CRYBG1: variants seen among roughly 807,000 people sequenced by gnomAD.
CRYBG1 encodes the protein beta/gamma crystallin domain-containing protein 1.
CRYBG1 carries 139 observed loss-of-function variants against 189.2 expected under a neutral mutation model. That is an observed-to-expected ratio of 0.73 (90% confidence interval 0.64 to 0.85). The LOEUF (loss-of-function observed/expected upper bound fraction) is 0.85, where lower values mean the gene tolerates loss of function less well. Ranked by LOEUF, CRYBG1 falls within the 40% of genes least tolerant of loss-of-function variation. The pLI is 0.00. For missense variants in CRYBG1, 2,611 were observed against 2,675.8 expected, an observed-to-expected ratio of 0.98 and a Z score of 0.53; for synonymous variants, 1,023 against 1,017.1, an observed-to-expected ratio of 1.01 and a Z score of -0.11.
intron 21 of CRYBG1, 134 bp from the exon 22 acceptor site, chr6:106,568,338 T>C: frequency 1.5e-6 from 1 of 670,970 alleles, no homozygotes; most frequent in Non-Finnish European, 2.5e-6. Flanking sequence ...CTCCCTGCCT[T>C]GCCTCCTTGA....
intron 4 of CRYBG1, 107 bp downstream of exon 4, chr6:106,521,560 C>A: frequency 1.6e-6 from 2 of 1,259,668 alleles, no homozygotes; most frequent in Non-Finnish European, 2.2e-6. Flanking sequence ...AGCTTATGTG[C>A]TATAGTTTTT....
chr6:106,509,409 G>A (rs1773198542), intron 2 of CRYBG1, among the ~76,000 whole-genome samples: 1 of 151,906 alleles, frequency 6.6e-6, no homozygotes, highest in Admixed American at 6.6e-5. Flanking sequence ...ATCATACTTC[G>A]AATTCTTCCT....
chr6:106,553,556 T>G lies in CRYBG1; in HGVS notation c.5574T>G (p.Val1858=). The change falls in exon 16 of 22, where the codon GTT becomes GTG. Residue 1858 remains valine, a synonymous_variant. Coordinates refer to ENST00000633556, the MANE Select transcript of CRYBG1 (RefSeq NM_001371242.2). ...CATTTTCTACCAAGTCTTGCAGAGT[T>G]TCAGGAGGCAGGTAAGTGAAACAAA... The part of the protein sequence containing the change: ...DDSFSTKSCR[V]SGGSWVVYDG... The G allele has an allele frequency of 6.2e-7, 1 of 1,611,294 alleles. No individual in the cohort carries two copies. The highest frequency in any genetic ancestry group is 1.3e-5 in the African/African-American group (1 of 74,950).
intron 2 of CRYBG1, among the ~76,000 whole-genome samples, chr6:106,472,462 T>C (rs1772250081): frequency 6.6e-6 from 1 of 152,192 alleles, no homozygotes; most frequent in African/African-American, 2.4e-5. Flanking sequence ...TCTAAAGATG[T>C]GTTTGTTTAT....
rs750961580 is a variant in CRYBG1 at position 106,571,956 on chromosome 6, C to G, written c.*3390C>G. On this transcript the variant is annotated 3_prime_UTR_variant, in exon 22 of 22. Transcript: ENST00000633556. Reference sequence around the variant, plus strand: ...AAAAATTTGGGCTCACAGGCACTCACCAAATAAGAACGTCAACAATCACTA... The same window carrying G: ...AAAAATTTGGGCTCACAGGCACTCAGCAAATAAGAACGTCAACAATCACTA... The G allele has an allele frequency of 4.6e-6, 7 of 1,518,874 alleles. No individual in the cohort carries two copies. The highest frequency in any genetic ancestry group is 1.1e-5 in the South Asian group (1 of 88,338). 94.1% of individuals were successfully genotyped at this position (1,518,874 alleles called of 1,614,324 possible).
In CRYBG1 at chr6:106,522,859, T is replaced by C. The variant is rs1448798080; in HGVS notation, c.4245+1406T>C. 2.0e-5 allele frequency among the ~76,000 whole-genome samples: 3 copies of C among 152,318 alleles called. No homozygotes were observed. In the East Asian group the frequency reaches 5.8e-4, roughly 29 times the overall value. ...GTTGGGTTTCCAGCAGAGGTGCAGA[T>C]CCCTTTTTCATGTGATTTCATAAAC... is the stretch of plus-strand genomic sequence containing the variant. On this transcript the variant is annotated intron_variant, in intron 4 of 21. Transcript: ENST00000633556.
At chr6:106,516,307 C>T (rs1269723972) in intron 3 of CRYBG1, among the ~76,000 whole-genome samples, 1 of 151,778 alleles carries the variant, frequency 6.6e-6, no homozygotes, top group Non-Finnish European at 1.5e-5. Context: ...AATCTTGGCT[C>T]ACTGCAACCT....
intron 10 of CRYBG1, among the ~76,000 whole-genome samples, chr6:106,542,541 A>T (rs1774157195): frequency 1.3e-5 from 2 of 150,760 alleles, no homozygotes; most frequent in African/African-American, 4.9e-5. Context: ...TGGCCTCCCA[A>T]AGTGCTGGAA....
At chr6:106,539,132 TAGA>T (rs1774071938) in intron 8 of CRYBG1, among the ~76,000 whole-genome samples, 2 of 152,200 alleles carry the variant, frequency 1.3e-5, no homozygotes, top group Non-Finnish European at 2.9e-5. Context: ...GACAAATGAT[TAGA>T]TGGAACTTTG....
chr6:106,363,418 T>C (rs1453773654), intron 1 of CRYBG1, among the ~76,000 whole-genome samples: 3 of 152,202 alleles, frequency 2.0e-5, no homozygotes, highest in Non-Finnish European at 2.9e-5. Context: ...TGGGATGTTT[T>C]TCTAGTTAGA....
chr6:106,505,874 G>T (rs146668572), intron 2 of CRYBG1, among the ~76,000 whole-genome samples: 2 of 152,080 alleles, frequency 1.3e-5, no homozygotes, highest in Non-Finnish European at 2.9e-5. Context: ...GAATTGAAAA[G>T]CTAAGGTATC....
At chr6:106,495,819 T>TAAAAAAAAAA in intron 2 of CRYBG1, among the ~76,000 whole-genome samples, 1 of 128,470 alleles carries the variant, frequency 7.8e-6, no homozygotes, top group African/African-American at 2.9e-5. Flanking sequence ...TTTCCTTGAG[T>TAAAAAAAAAA]AAAAAAAAAA....
Position 106,511,571 on chromosome 6 carries a change from A to G in CRYBG1, c.454A>G (p.Lys152Glu). 3.3e-6 allele frequency: 5 copies of G among 1,535,832 alleles called. No individual in the cohort carries two copies. Among genetic ancestry groups the G allele is most frequent in the Non-Finnish European group, 4.4e-6 (5 of 1,146,694 alleles). Residue 152 changes from lysine to glutamate, a missense_variant, in exon 3 of 22, where the codon AAA (lysine) becomes GAA (glutamate). Transcript: ENST00000633556. ...TRSNAKPLSP[K>E]DVVASPKLPE... ...ATCAAATGCCAAACCACTCTCTCCCAAAGATGTGGTAGCCTCTCCTAAGCT... is the reference window on the plus strand; with the variant it reads ...ATCAAATGCCAAACCACTCTCTCCCGAAGATGTGGTAGCCTCTCCTAAGCT...
chr6:106,511,702 C>T lies in CRYBG1; in HGVS notation c.585C>T (p.Gly195=), dbSNP rs1035860391. Residue 195 remains glycine (G), a synonymous_variant, in exon 3 of 22, where the codon GGC becomes GGT. Coordinates refer to ENST00000633556, the MANE Select transcript of CRYBG1 (RefSeq NM_001371242.2). ...GGGAGAATCCCCGAGAGGCAGAGGGCGAGCTCCCCGAGAGCGGTGGCCCCG... is the reference window on the plus strand; with the variant it reads ...GGGAGAATCCCCGAGAGGCAGAGGGTGAGCTCCCCGAGAGCGGTGGCCCCG... ...SPRENPREAE[G]ELPESGGPAA... The T allele has an allele frequency of 1.3e-6, 2 of 1,535,228 alleles. No individual in the cohort carries two copies. The highest frequency in any genetic ancestry group is 2.0e-5 in the Admixed American group (1 of 50,948).
chr6:106,367,700 A>G (rs1173622425), intron 1 of CRYBG1, among the ~76,000 whole-genome samples: 1 of 151,554 alleles, frequency 6.6e-6, no homozygotes, highest in Non-Finnish European at 1.5e-5. Flanking sequence ...ATGGTGGCTC[A>G]TGCCTGTAAT....
chr6:106,433,683 AGTTTTT>A (rs1304744106), intron 1 of CRYBG1, among the ~76,000 whole-genome samples: 2 of 145,654 alleles, frequency 1.4e-5, no homozygotes, highest in African/African-American at 5.1e-5. Flanking sequence ...TGCATCTGAC[AGTTTTT>A]GTTTGCTTTT....
At chr6:106,477,211 T>C (rs1772349949) in intron 2 of CRYBG1, among the ~76,000 whole-genome samples, 1 of 152,234 alleles carries the variant, frequency 6.6e-6, no homozygotes, top group Admixed American at 6.5e-5. Flanking sequence ...TTAATCATTG[T>C]TTCATCCTAT....
At chr6:106,429,913 A>G (rs1168354207) in intron 1 of CRYBG1, among the ~76,000 whole-genome samples, 2 of 152,206 alleles carry the variant, frequency 1.3e-5, no homozygotes, top group Non-Finnish European at 2.9e-5. Context: ...AGTACTATTG[A>G]GTTGATTCTT....
intron 2 of CRYBG1, among the ~76,000 whole-genome samples, chr6:106,476,002 G>T (rs990535391): frequency 1.3e-5 from 2 of 152,158 alleles, no homozygotes; most frequent in Non-Finnish European, 2.9e-5. Flanking sequence ...ACCTGTGTAA[G>T]TAGGATAAAA....
Sources: allele counts gnomAD v4.1 joint callset (sites outside exome capture counted in the v4.1 genomes callset), GRCh38; gene constraint gnomAD v4.1.1; transcripts MANE v1.5; gene names NCBI Gene and HGNC (gene_info 2026-07-23, HGNC 2026-07-21).